DRC11L: variants seen among roughly 807,000 people sequenced by gnomAD.
The protein encoded by DRC11L is dynein regulatory complex subunit like-11.
the DRC11L span, chr7:151,192,317 C>T: frequency 6.3e-5 from 25 of 399,008 alleles, no homozygotes; most frequent in Non-Finnish European, 6.2e-5. Flanking sequence ...GAAGAGGATC[C>T]GCTCGTAGAC....
At chr7:151,204,893 G>A in the DRC11L span, 5 of 399,086 alleles carry the variant, frequency 1.3e-5, no homozygotes, top group Non-Finnish European at 2.2e-5. Flanking sequence ...TGGGGAGACG[G>A]AGCAGCCTGG....
At chr7:151,193,328 C>T in the DRC11L span, 2 of 399,728 alleles carry the variant, frequency 5.0e-6, no homozygotes, top group Non-Finnish European at 8.8e-6. Context: ...TGCCCCATTC[C>T]TGCCAGGATA....
chr7:151,203,684 C>T, the DRC11L span, among the ~76,000 whole-genome samples: 1 of 152,222 alleles, frequency 6.6e-6, no homozygotes, highest in African/African-American at 2.4e-5. Flanking sequence ...AGCCACTCCT[C>T]TCTTCCTCTG....
the DRC11L span, chr7:151,195,687 G>C: frequency 2.5e-6 from 1 of 399,346 alleles, no homozygotes; most frequent in African/African-American, 2.1e-5. Context: ...GTGTGGCGGG[G>C]TGGCCTGGGG....
the DRC11L span, chr7:151,198,732 C>A: frequency 5.0e-6 from 2 of 398,680 alleles, no homozygotes; most frequent in East Asian, 7.1e-5. Context: ...GGGGCAGGAG[C>A]AGCCCTGAGG....
the DRC11L span, among the ~76,000 whole-genome samples, chr7:151,195,261 T>C: frequency 1.3e-5 from 2 of 152,002 alleles, no homozygotes; most frequent in Non-Finnish European, 2.9e-5. Context: ...GGCTATCACC[T>C]GAGTTTGGCA....
At chr7:151,199,404 G>T in the DRC11L span, among the ~76,000 whole-genome samples, 1 of 152,116 alleles carries the variant, frequency 6.6e-6, no homozygotes, top group East Asian at 1.9e-4. The surrounding 1 kb of genome is among the most constrained non-coding windows in gnomAD (Gnocchi z 5.2). Context: ...ATCACTCTGC[G>T]CAGAGACAAT....
the DRC11L span, chr7:151,203,424 ACAGGATCTCGGC>A: frequency 2.5e-6 from 1 of 399,080 alleles, no homozygotes. Context: ...TCCAGTCTGG[ACAGGATCTCGGC>A]CAGTATCAGC....
chr7:151,197,902 G>T, the DRC11L span: 1 of 399,148 alleles, frequency 2.5e-6, no homozygotes. Flanking sequence ...CGGCCAGTAA[G>T]GTCACTAAGT....
chr7:151,197,216 C>A, the DRC11L span: 1 of 399,588 alleles, frequency 2.5e-6, no homozygotes, highest in Non-Finnish European at 4.4e-6. Flanking sequence ...CCCTTCTTGG[C>A]CTTTTCTTCC....
chr7:151,197,518 T>C, the DRC11L span, among the ~76,000 whole-genome samples: 4 of 152,020 alleles, frequency 2.6e-5, no homozygotes, highest in Non-Finnish European at 5.9e-5. Context: ...TCCTTTGGGG[T>C]CCAAGGAGAA....
At chr7:151,194,182 C>A in the DRC11L span, 1 of 397,020 alleles carries the variant, frequency 2.5e-6, no homozygotes, top group South Asian at 1.4e-4. Flanking sequence ...CTCAGCCACC[C>A]TACCCTGACC....
At chr7:151,196,023 C>G in the DRC11L span, 1 of 230,210 alleles carries the variant, frequency 4.3e-6, no homozygotes, top group Non-Finnish European at 8.4e-6. Context: ...TGTGTACCAT[C>G]AGGAAAACCA....
the DRC11L span, among the ~76,000 whole-genome samples, chr7:151,202,433 C>A: frequency 1.2e-4 from 19 of 152,152 alleles, no homozygotes; most frequent in African/African-American, 4.6e-4. Flanking sequence ...TTTTAATGAT[C>A]CTTCTGTTTC....
the DRC11L span, chr7:151,192,524 C>T: frequency 2.5e-6 from 1 of 398,592 alleles, no homozygotes; most frequent in Non-Finnish European, 4.4e-6. Flanking sequence ...CTCCCAAGTT[C>T]TCAGAGCCCA....
chr7:151,191,715 G>C, the DRC11L span: 1 of 399,294 alleles, frequency 2.5e-6, no homozygotes, highest in East Asian at 3.6e-5. Flanking sequence ...GCCACCAGGG[G>C]CCGCTTGGAC....
chr7:151,193,928 G>A, the DRC11L span, among the ~76,000 whole-genome samples: 4 of 151,706 alleles, frequency 2.6e-5, no homozygotes, highest in Admixed American at 2.0e-4. Flanking sequence ...AAAAAGGAAG[G>A]CATGGGATAA....
chr7:151,192,100 C>T, the DRC11L span, among the ~76,000 whole-genome samples: 1 of 152,226 alleles, frequency 6.6e-6, no homozygotes, highest in Non-Finnish European at 1.5e-5. Context: ...AGGACATAGA[C>T]CACCTGCTCG....
the DRC11L span, among the ~76,000 whole-genome samples, chr7:151,201,049 G>A: frequency 3.9e-5 from 6 of 152,150 alleles, no homozygotes; most frequent in African/African-American, 1.4e-4. The surrounding 1 kb of genome is among the most constrained non-coding windows in gnomAD (Gnocchi z 4.1). Context: ...AGCTGGACGC[G>A]TCCTCTTTCT....
Sources: allele counts gnomAD v4.1 joint callset (sites outside exome capture counted in the v4.1 genomes callset), GRCh38; gene constraint gnomAD v4.1.1; non-coding constraint Gnocchi (gnomAD v3.1); transcripts MANE v1.5; gene names NCBI Gene and HGNC (gene_info 2026-07-23, HGNC 2026-07-21).